The following TIMELESS variants were observed in gnomAD, a reference collection of about 807,000 sequenced individuals.
The protein encoded by TIMELESS is protein timeless homolog.
Under a neutral mutation model 164.3 loss-of-function variants are expected in TIMELESS, and 124 were observed. The observed-to-expected ratio is 0.75, with a 90% CI of 0.65 to 0.88. TIMELESS has a LOEUF of 0.88. Ranked by LOEUF, TIMELESS falls within the 40% of genes least tolerant of loss-of-function variation. TIMELESS has a pLI of 0.00. For missense variants in TIMELESS, 1,422 were observed against 1,491.4 expected (o/e 0.95, Z 0.77); for synonymous variants, 564 against 563.4 (o/e 1.00, Z -0.02).
Position 56,422,054 on chromosome 12 carries a change from C to T in TIMELESS, c.2525-38G>A, listed in dbSNP as rs1249689444. 9 of 1,613,770 alleles carry T rather than the reference C, an allele frequency of 5.6e-6. No homozygotes were observed. The Admixed American group carries it at 1.2e-4, about 21-fold the overall frequency. The stretch of plus-strand genomic sequence containing the variant: ...AGGACTAAGGCAGTAAAGAAGGTCC[C>T]ACAGCTCAAGCTGCCCTCCTCATAA... On this transcript the variant is annotated intron_variant, in intron 20 of 28. Transcript: ENST00000553532.
At chr12:56,429,143 G>T in intron 10 of TIMELESS, 43 bp from the exon 11 acceptor site, 1 of 1,535,552 alleles carries the variant, frequency 6.5e-7, no homozygotes, top group Non-Finnish European at 8.8e-7. Context: ...ATGACTCCAG[G>T]GCTTCCAACT....
rs772342534 is a variant in TIMELESS at position 56,423,565 on chromosome 12, C to T, written c.2090+19G>A. 1 of 1,613,728 alleles carries T rather than the reference C, an allele frequency of 6.2e-7. No individual in the cohort carries two copies. The highest frequency in any genetic ancestry group is 1.1e-5 in the South Asian group (1 of 90,970). On this transcript the variant is annotated intron_variant, in intron 17 of 28. Coordinates refer to ENST00000553532, the MANE Select transcript of TIMELESS (RefSeq NM_003920.5). ...CACAATCGCCACTCTAGGACCAACT[C>T]AGGCCTCTCAGCCCGCACCGTTTCA...
Position 56,428,615 on chromosome 12 carries a change from C to T in TIMELESS, c.1342G>A (p.Ala448Thr). 6.2e-7 allele frequency: 1 copy of T among 1,614,122 alleles called. No individual in the cohort carries two copies. Among genetic ancestry groups the T allele is most frequent in the South Asian group, 1.1e-5 (1 of 91,086 alleles). Reference protein sequence around the residue: ...LALKAYQELLATVNEMDISPD... With the variant: ...LALKAYQELLTTVNEMDISPD... ...GATATGTCCATCTCATTCACTGTTG[C>T]CAGCAGCTCCTGATAGGCCTTCAGA... Residue 448 changes from alanine to threonine, a missense_variant, in exon 12 of 29, where the codon GCA (alanine) becomes ACA (threonine). Transcript: ENST00000553532.
chr12:56,445,441 A>AAAG, intron 1 of TIMELESS, among the ~76,000 whole-genome samples: 1 of 137,944 alleles, frequency 7.2e-6, no homozygotes, highest in Non-Finnish European at 1.6e-5. Flanking sequence ...AAAAAAAAAA[A>AAAG]AAAAAAAAAA....
intron 1 of TIMELESS, among the ~76,000 whole-genome samples, chr12:56,440,446 T>G (rs755610487): frequency 2.0e-5 from 3 of 152,040 alleles, no homozygotes; most frequent in Non-Finnish European, 4.4e-5. Flanking sequence ...CAAATAAACT[T>G]ACTTTTTGAA....
chr12:56,423,402 T>A lies in TIMELESS; in HGVS notation c.2164A>T (p.Asn722Tyr). The A allele has an allele frequency of 6.2e-7, 1 of 1,614,182 alleles. No individual in the cohort carries two copies. Among genetic ancestry groups the A allele is most frequent in the Non-Finnish European group, 8.5e-7 (1 of 1,180,036 alleles). The change falls in exon 18 of 29, where the codon AAC (asparagine) becomes TAC (tyrosine). Residue 722 changes from asparagine to tyrosine, a missense_variant. Transcript: ENST00000553532. ...TGCAGCATCTTCACAATGCAATGGT[T>A]AGTGTGGGCACTATTCTGCTGGTAG... ...RSYQQNSAHTNHCIVKMLHRL... is the reference protein window; with the variant it reads ...RSYQQNSAHTYHCIVKMLHRL...
chr12:56,445,452 A>AAAAAAAAAC (rs1868336277), intron 1 of TIMELESS, among the ~76,000 whole-genome samples: 1 of 130,936 alleles, frequency 7.6e-6, no homozygotes, highest in African/African-American at 3.1e-5. Context: ...AAAAAAAAAA[A>AAAAAAAAAC]AAGAGGCTGG....
rs764846718 is a variant in TIMELESS at position 56,430,140 on chromosome 12, C to T, written c.1051G>A (p.Glu351Lys). The T allele has an allele frequency of 6.2e-7, 1 of 1,613,808 alleles. No individual in the cohort carries two copies. Among genetic ancestry groups the T allele is most frequent in the South Asian group, 1.1e-5 (1 of 91,040 alleles). The change falls in exon 10 of 29, where the codon GAG becomes AAG. Residue 351 changes from glutamate to lysine, a missense_variant. Physicochemically the swap from Glu to Lys is moderately conservative, Grantham distance 56. Transcript: ENST00000553532. ...FLRDFCSEFL[E>K]NCYNRLMGSV... The stretch of plus-strand genomic sequence containing the variant: ...CCCATGAGCCGGTTGTAACAGTTCT[C>T]CAGGAACTCAGAGCAGAAGTCTCTG...
intron 19 of TIMELESS, 115 bp downstream of exon 19, chr12:56,422,732 T>C: frequency 2.5e-6 from 3 of 1,186,304 alleles, no homozygotes; most frequent in Non-Finnish European, 3.6e-6. Context: ...TCACCCATAA[T>C]AGGGAAAGAA....
In TIMELESS at chr12:56,423,399, G is replaced by T. The variant is rs1881564053; in HGVS notation, c.2167C>A (p.His723Asn). 9 of 1,614,106 alleles carry T rather than the reference G, an allele frequency of 5.6e-6. No homozygotes were observed. The highest frequency in any genetic ancestry group is 1.6e-4 in the Middle Eastern group (1 of 6,062). ...SYQQNSAHTN[H>N]CIVKMLHRLA... ...CGGTGCAGCATCTTCACAATGCAAT[G>T]GTTAGTGTGGGCACTATTCTGCTGG... Residue 723 changes from histidine to asparagine, a missense_variant, in exon 18 of 29, where the codon CAT becomes AAT. By Grantham distance (68) the His-to-Asn change is moderately conservative. Coordinates refer to ENST00000553532, the MANE Select transcript of TIMELESS (RefSeq NM_003920.5).
Position 56,422,134 on chromosome 12 carries a change from C to A in TIMELESS, c.2496G>T (p.Glu832Asp). 6.2e-7 allele frequency: 1 copy of A among 1,614,142 alleles called. No individual in the cohort carries two copies. Among genetic ancestry groups the A allele is most frequent in the Non-Finnish European group, 8.5e-7 (1 of 1,180,022 alleles). Residue 832 changes from glutamate (E) to aspartate (D), a missense_variant, in exon 20 of 29, where the codon GAG becomes GAT. Physicochemically the swap from Glu to Asp is conservative, Grantham distance 45. Transcript: ENST00000553532. The stretch of plus-strand genomic sequence containing the variant: ...CCACGTCCTTATTGGCGAGGTACAG[C>A]TCCCGAAGATGAGCCTCTTCTTCGG... ...WSPEEEAHLR[E>D]LYLANKDVEG...
rs1314140139 is a variant in TIMELESS at position 56,423,320 on chromosome 12, C to T, written c.2246G>A (p.Cys749Tyr). ...GTCACTAAGCAGACGATTGAAGAGG[C>T]AGAAGACTGACAGCTGAAAAAGTAG... ...EALLFQLSVF[C>Y]LFNRLLSDPA... The change falls in exon 18 of 29, where the codon TGC becomes TAC. Residue 749 changes from cysteine to tyrosine, a missense_variant. Physicochemically the swap from Cys to Tyr is radical, Grantham distance 194. Transcript: ENST00000553532. 5.0e-6 allele frequency: 8 copies of T among 1,614,138 alleles called. No individual in the cohort carries two copies. In the East Asian group the frequency reaches 1.8e-4, roughly 36 times the overall value.
intron 1 of TIMELESS, among the ~76,000 whole-genome samples, chr12:56,441,329 T>A (rs1868271374): frequency 1.3e-5 from 2 of 152,108 alleles, no homozygotes; most frequent in Admixed American, 1.3e-4. Flanking sequence ...GAGCACAAAG[T>A]AAGAATCCCT....
chr12:56,447,811 T>C (rs1247785089), intron 1 of TIMELESS, among the ~76,000 whole-genome samples: 1 of 152,040 alleles, frequency 6.6e-6, no homozygotes, highest in Admixed American at 6.6e-5. Flanking sequence ...GCTGGATACA[T>C]TGATTTTCAG....
chr12:56,425,173 T>C, intron 13 of TIMELESS, 21 bp from the exon 14 acceptor site: 1 of 1,602,570 alleles, frequency 6.2e-7, no homozygotes, highest in Non-Finnish European at 8.5e-7. Flanking sequence ...AGAATTGTAT[T>C]AGGATGTCAA....
intron 26 of TIMELESS, among the ~76,000 whole-genome samples, chr12:56,419,044 G>A (rs542724186): frequency 2.1e-3 from 307 of 145,934 alleles, no homozygotes; most frequent in Non-Finnish European, 3.6e-3. Flanking sequence ...CTGTTGCCCA[G>A]GCTAGAGTGC....
chr12:56,420,066 GTGTGTATATATA>G (rs1429739215), intron 26 of TIMELESS, among the ~76,000 whole-genome samples: 1 of 90,196 alleles, frequency 1.1e-5, no homozygotes, highest in Non-Finnish European at 2.3e-5. Context: ...GTGTGTGTGT[GTGTGTATATATA>G]TATATATAAA....
intron 1 of TIMELESS, 101 bp downstream of exon 1, chr12:56,449,209 G>C (rs1868480814): frequency 6.6e-6 from 1 of 152,320 alleles, no homozygotes; most frequent in East Asian, 1.9e-4. Flanking sequence ...GCTCTAAACC[G>C]GGTGGCGGGA....
chr12:56,423,020 C>T (rs1232299087), intron 18 of TIMELESS, 28 bp from the exon 19 acceptor site: 2 of 1,605,932 alleles, frequency 1.2e-6, no homozygotes, highest in East Asian at 4.5e-5. Flanking sequence ...TACTATGAGG[C>T]CTCTCTGGTC....
Sources: allele counts gnomAD v4.1 joint callset (sites outside exome capture counted in the v4.1 genomes callset), GRCh38; gene constraint gnomAD v4.1.1; transcripts MANE v1.5; gene names NCBI Gene and HGNC (gene_info 2026-07-23, HGNC 2026-07-21).